NDE1: variants seen among roughly 807,000 people sequenced by gnomAD.
NDE1 encodes nudE neurodevelopment protein 1.
NDE1 carries 28 observed loss-of-function variants against 43.4 expected under a neutral mutation model. That is an observed-to-expected ratio of 0.65 (90% CI 0.48 to 0.89). NDE1 has a LOEUF of 0.89. NDE1 is among the 40% of genes least tolerant of loss of function. The pLI, the probability that NDE1 is intolerant of heterozygous loss-of-function variation, is 0.00. For missense variants in NDE1, 441 were observed against 434.1 expected, an observed-to-expected ratio of 1.02 and a Z score of -0.14; for synonymous variants, 184 against 172.0, an observed-to-expected ratio of 1.07 and a Z score of -0.55.
intron 8 of NDE1, among the ~76,000 whole-genome samples, chr16:15,705,685 C>A (rs1360497563): frequency 6.6e-6 from 1 of 151,962 alleles, no homozygotes; most frequent in Non-Finnish European, 1.5e-5. Context: ...ATTCTTTAGT[C>A]AAAAGGAACA....
chr16:15,656,863 G>A (rs2036794402), intron 1 of NDE1, among the ~76,000 whole-genome samples: 1 of 152,030 alleles, frequency 6.6e-6, no homozygotes, highest in South Asian at 2.1e-4. Flanking sequence ...TCAAGGAAGA[G>A]AAAGAAGGCA....
intron 3 of NDE1, among the ~76,000 whole-genome samples, chr16:15,671,613 C>T (rs1391494195): frequency 6.6e-6 from 1 of 152,202 alleles, no homozygotes; most frequent in Non-Finnish European, 1.5e-5. Flanking sequence ...TCTCCCTGTA[C>T]TTGGCCCACT....
chr16:15,720,740 A>T lies in NDE1; in HGVS notation c.948-3451A>T, dbSNP rs1034735189. The T allele has an allele frequency of 6.8e-5, 91 of 1,347,094 alleles. 1 individual carries two copies. The Middle Eastern group carries it at 2.0e-3, about 30-fold the overall frequency. The allele number at this position is 1,347,094 out of a possible 1,614,324, so 83.4% of individuals were successfully genotyped here. On this transcript the variant is annotated intron_variant, in intron 8 of 8. Coordinates refer to ENST00000396354, the MANE Select transcript of NDE1 (RefSeq NM_017668.3). ...AGAGCGAGACTCTGTTTCAAAAAAA[A>T]ATAAAGAAAACGAAGTTTCCACACC... is the stretch of plus-strand genomic sequence containing the variant.
intron 3 of NDE1, among the ~76,000 whole-genome samples, chr16:15,668,258 G>A (rs1365893959): frequency 2.6e-5 from 4 of 152,162 alleles, no homozygotes; most frequent in Admixed American, 2.0e-4. Context: ...GCTTACTTGG[G>A]AGGCTGAGGC....
chr16:15,676,857 T>TCTA (rs2037907293), intron 3 of NDE1, among the ~76,000 whole-genome samples: 1 of 152,160 alleles, frequency 6.6e-6, no homozygotes, highest in Non-Finnish European at 1.5e-5. Context: ...AGGCCAGGTC[T>TCTA]CACTCTGTGA....
chr16:15,703,298 GGA>G (rs2039284542), intron 8 of NDE1: 2 of 228,164 alleles, frequency 8.8e-6, no homozygotes, highest in South Asian at 3.3e-4. Context: ...GTGGAAACCA[GGA>G]GAGGGGGAAA....
chr16:15,723,618 C>T (rs1003963492), intron 8 of NDE1, among the ~76,000 whole-genome samples: 1 of 152,168 alleles, frequency 6.6e-6, no homozygotes, highest in Non-Finnish European at 1.5e-5. Context: ...TGCACTCCAG[C>T]CTGGGTGACA....
At chr16:15,652,308 G>C (rs1357916006) in intron 1 of NDE1, among the ~76,000 whole-genome samples, 1 of 152,142 alleles carries the variant, frequency 6.6e-6, no homozygotes, top group African/African-American at 2.4e-5. Flanking sequence ...CCACAGTGCT[G>C]AGATTACTTG....
In NDE1 at chr16:15,687,374, G is replaced by C; in HGVS notation, c.387-1G>C. The C allele has an allele frequency of 1.2e-6, 2 of 1,614,166 alleles. No homozygotes were observed. Among genetic ancestry groups the C allele is most frequent in the Non-Finnish European group, 1.7e-6 (2 of 1,180,016 alleles). ...GATAACTCTGCTTTTCTCTTCGCCA[G>C]CGCCACGATCATGTCTCTCGAAGAC... On this transcript the variant is annotated splice_acceptor_variant, in intron 4 of 8. Coordinates refer to ENST00000396354, the MANE Select transcript of NDE1 (RefSeq NM_017668.3). LOFTEE classifies it high-confidence loss of function.
At chr16:15,719,875 C>G (rs1257652751) in intron 8 of NDE1, among the ~76,000 whole-genome samples, 1 of 152,260 alleles carries the variant, frequency 6.6e-6, no homozygotes, top group African/African-American at 2.4e-5. Flanking sequence ...GCTGGTGGTG[C>G]GCTGGGAGCA....
chr16:15,719,799 T>G (rs2040370216), intron 8 of NDE1: 1 of 1,571,802 alleles, frequency 6.4e-7, no homozygotes, highest in African/African-American at 1.3e-5. Flanking sequence ...CACCCACCCC[T>G]TGGATTTTCT....
chr16:15,698,016 A>G (rs2039089522), intron 8 of NDE1, among the ~76,000 whole-genome samples: 1 of 151,660 alleles, frequency 6.6e-6, no homozygotes. Flanking sequence ...CTGTGTTAGG[A>G]TGGTCTTGAT....
At chr16:15,704,419 A>G (rs1240740425) in intron 8 of NDE1, among the ~76,000 whole-genome samples, 1 of 152,144 alleles carries the variant, frequency 6.6e-6, no homozygotes, top group East Asian at 1.9e-4. Flanking sequence ...AGGCTTGGTC[A>G]TTTGAGAAGC....
At chr16:15,696,886 G>C in intron 8 of NDE1, 26 bp downstream of exon 8, 2 of 1,610,470 alleles carry the variant, frequency 1.2e-6, no homozygotes, top group Non-Finnish European at 1.7e-6. Flanking sequence ...TAAACCTCTC[G>C]CTGGCGGGGA....
At chr16:15,715,334 G>T in intron 8 of NDE1, 3 of 1,537,592 alleles carry the variant, frequency 2.0e-6, no homozygotes, top group Non-Finnish European at 1.8e-6. Flanking sequence ...TAGCTGGTGT[G>T]TCACCTGGAG....
chr16:15,717,794 CAAAA>C (rs200605550), intron 8 of NDE1: 1 of 253,978 alleles, frequency 3.9e-6, no homozygotes, highest in African/African-American at 2.2e-5. Flanking sequence ...ACCCTGTCTC[CAAAA>C]AAAAGAGGTG....
intron 2 of NDE1, among the ~76,000 whole-genome samples, chr16:15,666,282 A>G (rs976963472): frequency 3.6e-4 from 55 of 152,090 alleles, no homozygotes; most frequent in African/African-American, 1.3e-3. Flanking sequence ...ATTTGTACAT[A>G]GAGGCCTTAT....
At chr16:15,646,764 G>C (rs1161003304), upstream of NDE1, among the ~76,000 whole-genome samples, 1 of 150,670 alleles carries the variant, frequency 6.6e-6, no homozygotes, top group African/African-American at 2.4e-5. Flanking sequence ...AAATTCCTAA[G>C]GGGAGGCTTG....
At chr16:15,694,777 A>T in intron 7 of NDE1, 1 of 985,244 alleles carries the variant, frequency 1.0e-6, no homozygotes, top group Non-Finnish European at 1.2e-6. Context: ...TCTGAACCCT[A>T]TGTATGTCTC....
Sources: allele counts gnomAD v4.1 joint callset (sites outside exome capture counted in the v4.1 genomes callset), GRCh38; gene constraint gnomAD v4.1.1; transcripts MANE v1.5; gene names NCBI Gene and HGNC (gene_info 2026-07-23, HGNC 2026-07-21).